The following RARB variants were observed in gnomAD, a reference collection of about 807,000 sequenced individuals.
RARB encodes the protein HBV-activated protein.
In RARB, 17 loss-of-function variants were observed where a neutral mutation model predicts 51.9. The ratio of observed to expected loss-of-function variants is 0.33; its 90% CI spans 0.22 to 0.49. RARB has a LOEUF of 0.49. Ranked by LOEUF, RARB falls within the 20% of genes least tolerant of loss-of-function variation. RARB has a pLI of 0.99. For missense variants in RARB, 369 were observed against 550.8 expected (o/e 0.67, Z 3.30); for synonymous variants, 215 against 195.4 (o/e 1.10, Z -0.84).
In RARB at chr3:25,008,957, G is replaced by T. The variant is rs536332154; in HGVS notation, c.-379-51168G>T. 9.9e-5 allele frequency among the ~76,000 whole-genome samples: 15 copies of T among 152,142 alleles called. No homozygotes were observed. The South Asian group carries it at 3.1e-3, about 32-fold the overall frequency. ...AGTAACAACAACTATACTCTTTATT[G>T]GTTTTAATTTTTCAAGATCTGAGTG... On this transcript the variant is annotated intron_variant, in intron 2 of 11. Transcript: ENST00000383772.
rs564698993 is a variant in RARB, at chr3:25,443,487, C to T, written c.157+14599C>T. On this transcript the variant is annotated intron_variant, in intron 1 of 7. Transcript: ENST00000330688. ...AAATAAAAATAAAGCTAAAGCGCGC[C>T]GGTAATCTCAGCTACTCAGGAGGCT... Among the ~76,000 whole-genome samples the T allele has an allele frequency of 1.9e-3, 285 of 151,842 alleles. 2 individuals carry two copies. Among genetic ancestry groups the T allele is most frequent in the African/African-American group, 6.7e-3 (276 of 41,354 alleles).
intron 5 of RARB, among the ~76,000 whole-genome samples, chr3:25,205,421 C>A (rs1701514104): frequency 6.6e-6 from 1 of 152,284 alleles, no homozygotes; most frequent in African/African-American, 2.4e-5. Flanking sequence ...CGGTGCGCTG[C>A]ATCCACTGTC....
At chr3:25,094,106 C>T (rs1376991724) in intron 3 of RARB, among the ~76,000 whole-genome samples, 1 of 152,128 alleles carries the variant, frequency 6.6e-6, no homozygotes, top group Non-Finnish European at 1.5e-5. Context: ...TCTAAGGATT[C>T]TGCTGCCTTA....
At chr3:25,169,273 A>G (rs181381669) in intron 4 of RARB, among the ~76,000 whole-genome samples, 1 of 152,236 alleles carries the variant, frequency 6.6e-6, no homozygotes, top group Non-Finnish European at 1.5e-5. Flanking sequence ...GAAAAAAGAG[A>G]GAAGCAATAA....
At chr3:25,096,722 T>G (rs1699299096) in intron 3 of RARB, among the ~76,000 whole-genome samples, 1 of 152,122 alleles carries the variant, frequency 6.6e-6, no homozygotes, top group African/African-American at 2.4e-5. Context: ...CACCTCCTAG[T>G]ATCTCAAGAT....
chr3:25,323,402 G>A (rs1176875558), intron 5 of RARB, among the ~76,000 whole-genome samples: 1 of 152,196 alleles, frequency 6.6e-6, no homozygotes, highest in Non-Finnish European at 1.5e-5. Flanking sequence ...GCCACTTTTA[G>A]CAACAGGTGA....
intron 5 of RARB, among the ~76,000 whole-genome samples, chr3:25,310,167 G>T (rs967960971): frequency 1.3e-5 from 2 of 152,184 alleles, no homozygotes; most frequent in Non-Finnish European, 2.9e-5. Context: ...TTTTGGCACG[G>T]TGACGAGCAG....
intron 5 of RARB, among the ~76,000 whole-genome samples, chr3:25,330,302 T>G (rs190010429): frequency 1.3e-5 from 2 of 152,294 alleles, no homozygotes; most frequent in African/African-American, 2.4e-5. Flanking sequence ...CCCATCAGAC[T>G]AACAGCGGAT....
intron 2 of RARB, among the ~76,000 whole-genome samples, chr3:24,921,566 C>T (rs1247013779): frequency 3.9e-5 from 6 of 152,106 alleles, no homozygotes; most frequent in South Asian, 4.2e-4. Flanking sequence ...TCCTGCCTCG[C>T]TCTTCAGATC....
intron 5 of RARB, among the ~76,000 whole-genome samples, chr3:25,213,358 G>A (rs1240290655): frequency 6.6e-6 from 1 of 151,836 alleles, no homozygotes; most frequent in Non-Finnish European, 1.5e-5. Flanking sequence ...TCAATTTTAT[G>A]TTTTTGGGAT....
intron 1 of RARB, among the ~76,000 whole-genome samples, chr3:24,837,552 A>G (rs2125328747): frequency 6.6e-6 from 1 of 152,346 alleles, no homozygotes; most frequent in East Asian, 1.9e-4. Flanking sequence ...AATATATTCA[A>G]TGTTACAGTT....
chr3:24,881,622 T>C (rs1703168360), intron 2 of RARB, among the ~76,000 whole-genome samples: 1 of 152,216 alleles, frequency 6.6e-6, no homozygotes, highest in African/African-American at 2.4e-5. Flanking sequence ...AGAATTATAG[T>C]GGCATTGATC....
chr3:25,493,155 C>A (rs1343688737), intron 2 of RARB, among the ~76,000 whole-genome samples: 2 of 152,076 alleles, frequency 1.3e-5, no homozygotes, highest in African/African-American at 2.4e-5. Context: ...TATGCCCACC[C>A]TCCCTGCCTA....
At chr3:24,884,866 T>C (rs1424078844) in intron 2 of RARB, among the ~76,000 whole-genome samples, 2 of 152,058 alleles carry the variant, frequency 1.3e-5, no homozygotes, top group Non-Finnish European at 2.9e-5. Context: ...GAATACAAGA[T>C]GTGATGTGAC....
intron 2 of RARB, among the ~76,000 whole-genome samples, chr3:25,014,151 G>A (rs1173517476): frequency 1.3e-5 from 2 of 152,060 alleles, no homozygotes; most frequent in African/African-American, 4.8e-5. Flanking sequence ...TGTGGCATAT[G>A]TTTTTTCCCC....
At chr3:25,100,401 G>C (rs367599429) in intron 3 of RARB, among the ~76,000 whole-genome samples, 1 of 152,124 alleles carries the variant, frequency 6.6e-6, no homozygotes, top group Non-Finnish European at 1.5e-5. Flanking sequence ...TCTAGATATA[G>C]AATTTATTTG....
intron 4 of RARB, among the ~76,000 whole-genome samples, chr3:25,134,665 G>A (rs997989659): frequency 6.6e-6 from 1 of 151,882 alleles, no homozygotes; most frequent in African/African-American, 2.4e-5. Flanking sequence ...CTCATCAATA[G>A]AATATTCTAC....
chr3:25,362,580 G>GA (rs1705978916), intron 5 of RARB, among the ~76,000 whole-genome samples: 1 of 152,214 alleles, frequency 6.6e-6, no homozygotes, highest in Admixed American at 6.5e-5. Flanking sequence ...TTTTGTGCTT[G>GA]AAACCCAGGG....
intron 2 of RARB, among the ~76,000 whole-genome samples, chr3:24,929,259 C>T (rs1413163448): frequency 3.3e-5 from 5 of 152,020 alleles, no homozygotes; most frequent in Admixed American, 1.3e-4. Context: ...AGGTACTAGC[C>T]TTACTTAATA....
Sources: allele counts gnomAD v4.1 joint callset (sites outside exome capture counted in the v4.1 genomes callset), GRCh38; gene constraint gnomAD v4.1.1; transcripts MANE v1.5; gene names NCBI Gene and HGNC (gene_info 2026-07-23, HGNC 2026-07-21).